Variants in PCDH15 observed in about 807,000 individuals in gnomAD.
PCDH15 encodes the protein protocadherin-15.
PCDH15 carries 129 observed loss-of-function variants against 178.5 expected under a neutral mutation model. That is an observed-to-expected ratio of 0.72 (90% CI 0.63 to 0.84). PCDH15 has a LOEUF of 0.84. Among genes scored for constraint, PCDH15 ranks in the 40% least tolerant of loss-of-function variants. The pLI, the probability that PCDH15 is intolerant of heterozygous loss-of-function variation, is 0.00. For missense variants in PCDH15, 2,230 were observed against 2,099.9 expected (o/e 1.06, Z -1.21); for synonymous variants, 800 against 732.0 (o/e 1.09, Z -1.50).
intron 1 of PCDH15, among the ~76,000 whole-genome samples, chr10:55,317,444 A>G (rs978362579): frequency 1.3e-5 from 2 of 151,934 alleles, no homozygotes; most frequent in East Asian, 3.9e-4. Flanking sequence ...AATGATTTTA[A>G]CAACTCCAGG....
At chr10:53,904,462 AAT>A (rs1564732304) in intron 25 of PCDH15, among the ~76,000 whole-genome samples, 1 of 117,526 alleles carries the variant, frequency 8.5e-6, no homozygotes, top group African/African-American at 3.2e-5. Flanking sequence ...AGAACTTAGA[AAT>A]AGTCTTTTTT....
At chr10:54,531,101 G>A (rs2083868168) in intron 2 of PCDH15, among the ~76,000 whole-genome samples, 2 of 152,096 alleles carry the variant, frequency 1.3e-5, no homozygotes, top group African/African-American at 4.8e-5. Flanking sequence ...TGTACCCTAT[G>A]GTCTGTGGAT....
chr10:54,153,802 T>C (rs1457988731), intron 13 of PCDH15, among the ~76,000 whole-genome samples: 3 of 152,154 alleles, frequency 2.0e-5, no homozygotes, highest in Non-Finnish European at 2.9e-5. Context: ...CATCTTTGTG[T>C]CCTTTTTGTT....
intron 2 of PCDH15, among the ~76,000 whole-genome samples, chr10:54,646,121 T>G (rs1395601873): frequency 6.6e-6 from 1 of 152,204 alleles, no homozygotes; most frequent in East Asian, 1.9e-4. Flanking sequence ...TATATGAAAC[T>G]ATAAGATTTG....
chr10:55,158,334 A>T (rs1319626776), intron 2 of PCDH15, among the ~76,000 whole-genome samples: 1 of 152,056 alleles, frequency 6.6e-6, no homozygotes, highest in Non-Finnish European at 1.5e-5. Flanking sequence ...AATGTGTTAG[A>T]TGTAAACAGA....
At chr10:54,635,305 T>A (rs1430544786) in intron 2 of PCDH15, among the ~76,000 whole-genome samples, 4 of 151,636 alleles carry the variant, frequency 2.6e-5, no homozygotes, top group Non-Finnish European at 4.4e-5. Context: ...GAGATTTGCT[T>A]CAAAAACTCG....
intron 2 of PCDH15, among the ~76,000 whole-genome samples, chr10:55,456,298 G>A (rs1355536743): frequency 6.6e-6 from 1 of 152,096 alleles, no homozygotes; most frequent in African/African-American, 2.4e-5. Flanking sequence ...TACCTATGGA[G>A]AGAGGGACTG....
chr10:55,508,485 A>T (rs1247656902), intron 2 of PCDH15, among the ~76,000 whole-genome samples: 1 of 151,806 alleles, frequency 6.6e-6, no homozygotes, highest in African/African-American at 2.4e-5. Context: ...ATGAAGTTAG[A>T]TCACGTCAGT....
chr10:55,421,775 A>G (rs890597363), intron 2 of PCDH15, among the ~76,000 whole-genome samples: 1 of 151,204 alleles, frequency 6.6e-6, no homozygotes. Context: ...TGTGAATCAT[A>G]TTTTCTGACA....
At chr10:53,915,748 C>T (rs947309758) in intron 25 of PCDH15, among the ~76,000 whole-genome samples, 5 of 152,010 alleles carry the variant, frequency 3.3e-5, no homozygotes, top group Admixed American at 6.6e-5. Context: ...TTAGTAGAGA[C>T]GGGGTTTCAC....
intron 2 of PCDH15, among the ~76,000 whole-genome samples, chr10:54,625,204 T>A (rs998072047): frequency 1.3e-5 from 2 of 152,104 alleles, no homozygotes. Flanking sequence ...CCACAGAGAC[T>A]GGGAAATAGA....
chr10:55,029,486 C>G (rs2131964609), intron 2 of PCDH15, among the ~76,000 whole-genome samples: 1 of 152,118 alleles, frequency 6.6e-6, no homozygotes, highest in East Asian at 1.9e-4. Context: ...AGACTCAACA[C>G]TTCTGTGCTG....
chr10:54,256,177 G>A (rs964792608), intron 8 of PCDH15, among the ~76,000 whole-genome samples: 9 of 152,200 alleles, frequency 5.9e-5, no homozygotes, highest in African/African-American at 9.6e-5. Flanking sequence ...TCTTTGAAGC[G>A]TATCCTACTG....
chr10:54,617,586 C>G (rs1252727135), intron 2 of PCDH15, among the ~76,000 whole-genome samples: 1 of 151,450 alleles, frequency 6.6e-6, no homozygotes, highest in Non-Finnish European at 1.5e-5. Context: ...TGATGAATAG[C>G]ATAGTATATA....
intron 1 of PCDH15, among the ~76,000 whole-genome samples, chr10:55,267,189 C>G (rs958943846): frequency 6.6e-6 from 1 of 152,150 alleles, no homozygotes; most frequent in Non-Finnish European, 1.5e-5. Flanking sequence ...CACATACACA[C>G]ACACATATAT....
chr10:55,023,037 A>G (rs1403819307), intron 2 of PCDH15, among the ~76,000 whole-genome samples: 4 of 142,974 alleles, frequency 2.8e-5, no homozygotes, highest in Admixed American at 6.9e-5. Context: ...CGCCTCCCAA[A>G]TTCACGCCAT....
intron 4 of PCDH15, among the ~76,000 whole-genome samples, chr10:54,377,106 A>T (rs1400229026): frequency 3.3e-5 from 5 of 152,068 alleles, no homozygotes; most frequent in Non-Finnish European, 7.4e-5. Context: ...AGCAAAATGA[A>T]CAGCATAATC....
chr10:55,183,401 C>T (rs1047523708), intron 1 of PCDH15, among the ~76,000 whole-genome samples: 9 of 151,768 alleles, frequency 5.9e-5, no homozygotes, highest in African/African-American at 2.2e-4. Flanking sequence ...ATTCCTGAAA[C>T]ATGTACACAA....
rs773222691 is a variant in PCDH15 at position 54,183,524 on chromosome 10, C to T, written c.1510G>A (p.Asp504Asn). The T allele has an allele frequency of 1.2e-6, 2 of 1,613,746 alleles. No individual in the cohort carries two copies. The highest frequency in any genetic ancestry group is 2.7e-5 in the African/African-American group (2 of 74,910). ...ATTTCAGGGAAGGTTGGCGTGTTATCATTTGCATCCATCACTTGAATATTG... is the reference window on the plus strand; with the variant it reads ...ATTTCAGGGAAGGTTGGCGTGTTATTATTTGCATCCATCACTTGAATATTG... ...IVNIQVMDAN[D>N]NTPTFPEISY... The change falls in exon 13 of 38, where the codon GAT (aspartate) becomes AAT (asparagine). Residue 504 changes from aspartate (D) to asparagine (N), a missense_variant. Transcript: ENST00000644397.
Sources: allele counts gnomAD v4.1 joint callset (sites outside exome capture counted in the v4.1 genomes callset), GRCh38; gene constraint gnomAD v4.1.1; transcripts MANE v1.5; gene names NCBI Gene and HGNC (gene_info 2026-07-23, HGNC 2026-07-21).